CXCL16: variants seen among roughly 807,000 people sequenced by gnomAD.
CXCL16 encodes C-X-C motif chemokine 16.
In CXCL16, 18 loss-of-function variants were observed where a neutral mutation model predicts 23.8. That is an observed-to-expected ratio of 0.76 (90% CI 0.52 to 1.12). The LOEUF (loss-of-function observed/expected upper bound fraction) is 1.12, where lower values mean the gene tolerates loss of function less well. Among genes scored for constraint, CXCL16 ranks in the 50% most tolerant of loss-of-function variants. The pLI, the probability that CXCL16 is intolerant of heterozygous loss-of-function variation, is 0.00. For synonymous variants in CXCL16, 123 were observed against 132.5 expected, an observed-to-expected ratio of 0.93 and a Z score of 0.49; for missense variants, 297 against 315.4, an observed-to-expected ratio of 0.94 and a Z score of 0.44.
rs951948450 is a variant in CXCL16, at chr17:4,735,116, C to T, written c.694G>A (p.Gly232Arg). ...CCTGGAGAGGACTGCGGTGACTGCCCCCTCCTCCTCTTGCACAGCACATAG... is the reference window on the plus strand; with the variant it reads ...CCTGGAGAGGACTGCGGTGACTGCCTCCTCCTCCTCTTGCACAGCACATAG... ...LSYVLCKRRR[G>R]QSPQSSPDLP... Residue 232 changes from glycine to arginine, a missense_variant, in exon 4 of 6, where the codon GGG becomes AGG. By Grantham distance (125) the Gly-to-Arg change is moderately radical (BLOSUM62 -2). Coordinates refer to ENST00000293778, the MANE Select transcript of CXCL16 (RefSeq NM_001386809.1). 3 of 1,610,660 alleles carry T rather than the reference C, an allele frequency of 1.9e-6. No individual in the cohort carries two copies. The highest frequency in any genetic ancestry group is 1.3e-5 in the African/African-American group (1 of 74,860).
At chr17:4,736,430 AC>A (rs1462696999) in intron 3 of CXCL16, 3 of 152,346 alleles carry the variant, frequency 2.0e-5, no homozygotes, top group Admixed American at 1.3e-4. Flanking sequence ...AAGGTAGGGG[AC>A]AAGGAAGTGA....
intron 3 of CXCL16, among the ~76,000 whole-genome samples, chr17:4,737,994 G>A (rs1467101382): frequency 6.6e-6 from 1 of 151,464 alleles, no homozygotes; most frequent in African/African-American, 2.4e-5. Flanking sequence ...GCCAGGCTTG[G>A]TGGTGCGCGC....
rs1916067027 is a variant in CXCL16, at chr17:4,733,725, G to A, written c.*778C>T. ...GTGGGAAAGCCCAGGCCTTCGCTGC[G>A]GGTACAGGAGGATGCAGGAGAGGGC... On this transcript the variant is annotated 3_prime_UTR_variant, in exon 6 of 6. Transcript: ENST00000293778. 3.2e-5 allele frequency: 5 copies of A among 154,672 alleles called. No individual in the cohort carries two copies. Among genetic ancestry groups the A allele is most frequent in the Admixed American group, 2.6e-4 (4 of 15,560 alleles). The allele number at this position is 154,672 out of a possible 1,614,324, so 9.6% of individuals were successfully genotyped here. A position where few individuals can be genotyped will look rare whatever the true frequency, so the allele number is the denominator to read the frequency against.
In CXCL16 at chr17:4,739,777, C is replaced by G. The variant is rs1421549012; in HGVS notation, c.-438G>C. 2.9e-6 allele frequency: 3 copies of G among 1,040,174 alleles called. No homozygotes were observed. The highest frequency in any genetic ancestry group is 3.5e-6 in the Non-Finnish European group (3 of 863,168). 64.4% of individuals were successfully genotyped at this position (1,040,174 alleles called of 1,614,324 possible). On this transcript the variant is annotated 5_prime_UTR_variant, in exon 1 of 6. Transcript: ENST00000293778. This position sits in a 1 kb window ranked among gnomAD's most constrained non-coding sequence, Gnocchi z 5.3. ...CCTGTGAGGCGGCTGCACTGCCGGA[C>G]CGGCCCTCCTCCTCCGAGGCACTTT...
In CXCL16 at chr17:4,739,388, C is replaced by T. The variant is rs75334328; in HGVS notation, c.-49G>A. 4,228 of 1,611,992 alleles carry T rather than the reference C, an allele frequency of 2.6e-3. 69 individuals are homozygous for T. In the African/African-American group the frequency reaches 0.041, roughly 15 times the overall value. ...GGGATGGAGCCACCTCGCTCTGACT[C>T]CCAGACATGCTCCGGCGCGTGACGT... On this transcript the variant is annotated 5_prime_UTR_variant, in exon 1 of 6. Coordinates refer to ENST00000293778, the MANE Select transcript of CXCL16 (RefSeq NM_001386809.1). The surrounding 1 kb of genome is among the most constrained non-coding windows in gnomAD (Gnocchi z 5.3).
Position 4,738,609 on chromosome 17 carries a change from C to A in CXCL16, c.219-119G>T. ...AGCCCTTTCTCCTGGGACTGGGAAA[C>A]TCCCCAGTAGGTGAGACGGAGTCAT... On this transcript the variant is annotated intron_variant, in intron 2 of 5. Transcript: ENST00000293778. The surrounding 1 kb of genome is among the most constrained non-coding windows in gnomAD (Gnocchi z 4.0). 1.0e-6 allele frequency: 1 copy of A among 1,003,954 alleles called. No homozygotes were observed. The highest frequency in any genetic ancestry group is 1.5e-6 in the Non-Finnish European group (1 of 672,604). 62.2% of individuals were successfully genotyped at this position (1,003,954 alleles called of 1,614,324 possible).
intron 3 of CXCL16, among the ~76,000 whole-genome samples, 195 bp from the exon 4 acceptor site, chr17:4,735,703 C>G (rs903469926): frequency 1.0e-5 from 1 of 98,908 alleles, no homozygotes; most frequent in Non-Finnish European, 2.0e-5. Context: ...GACATAGGAA[C>G]CTTCAGAAAC....
At position 4,738,291 on chromosome 17, in the gene CXCL16, A is replaced by G. The variant is rs1163871266; in HGVS notation, c.301+117T>C. 3.9e-6 allele frequency: 3 copies of G among 763,324 alleles called. No individual in the cohort carries two copies. The highest frequency in any genetic ancestry group is 6.7e-6 in the Non-Finnish European group (3 of 448,100). The allele number at this position is 763,324 out of a possible 1,614,324, so 47.3% of individuals were successfully genotyped here. ...GAGTCTAAGTACTTTGGACAGGATCAGAAGAAGGTTCTAGGAATGTGCGGC... is the reference window on the plus strand; with the variant it reads ...GAGTCTAAGTACTTTGGACAGGATCGGAAGAAGGTTCTAGGAATGTGCGGC... On this transcript the variant is annotated intron_variant, in intron 3 of 5. Transcript: ENST00000293778. The surrounding 1 kb of genome is among the most constrained non-coding windows in gnomAD (Gnocchi z 4.0).
chr17:4,735,713 C>G lies in CXCL16; in HGVS notation c.302-205G>C, dbSNP rs535315387. Among the ~76,000 whole-genome samples, 28 of 11,776 alleles carry G rather than the reference C, an allele frequency of 2.4e-3. No homozygotes were observed. In the Admixed American group the frequency reaches 0.033, roughly 14 times the overall value. The allele number at this position is 11,776 out of a possible 152,430, so 7.7% of individuals were successfully genotyped here. ...TACATGACATAGGAACCTTCAGAAACAAAGACCCGAGAAAAGTGCATTTTT... is the reference window on the plus strand; with the variant it reads ...TACATGACATAGGAACCTTCAGAAAGAAAGACCCGAGAAAAGTGCATTTTT... On this transcript the variant is annotated intron_variant, in intron 3 of 5. Coordinates refer to ENST00000293778, the MANE Select transcript of CXCL16 (RefSeq NM_001386809.1).
chr17:4,738,422 C>T lies in CXCL16; in HGVS notation c.287G>A (p.Cys96Tyr), dbSNP rs772272880. Residue 96 changes from cysteine to tyrosine, a missense_variant, in exon 3 of 6, where the codon TGT (cysteine) becomes TAT (tyrosine). Coordinates refer to ENST00000293778, the MANE Select transcript of CXCL16 (RefSeq NM_001386809.1). The surrounding 1 kb of genome is among the most constrained non-coding windows in gnomAD (Gnocchi z 4.0). ...KDPWVQELMS[C>Y]LDLKECGHAY... is the part of the protein sequence containing the mutation. ...AAAAGTCTCACCTTTGAGATCAAGA[C>T]AGCTCATCAATTCCTGAACCCATGG... is the stretch of plus-strand genomic sequence containing the variant. 25 of 1,613,746 alleles carry T rather than the reference C, an allele frequency of 1.5e-5. No individual in the cohort carries two copies. The highest frequency in any genetic ancestry group is 2.1e-5 in the Non-Finnish European group (25 of 1,179,746).
intron 4 of CXCL16, 86 bp downstream of exon 4, chr17:4,735,006 T>G: frequency 7.4e-7 from 1 of 1,351,116 alleles, no homozygotes; most frequent in East Asian, 2.3e-5. Flanking sequence ...AAGGCCAGGT[T>G]TCCAGCCACC....
Position 4,738,616 on chromosome 17 carries a change from G to T in CXCL16, c.219-126C>A. On this transcript the variant is annotated intron_variant, in intron 2 of 5. Transcript: ENST00000293778. This position sits in a 1 kb window ranked among gnomAD's most constrained non-coding sequence, Gnocchi z 4.0. ...TCTCCTGGGACTGGGAAACTCCCCA[G>T]TAGGTGAGACGGAGTCATGAAGTTT... 1.0e-6 allele frequency: 1 copy of T among 992,736 alleles called. No homozygotes were observed. The highest frequency in any genetic ancestry group is 1.5e-6 in the Non-Finnish European group (1 of 664,776). 61.5% of individuals were successfully genotyped at this position (992,736 alleles called of 1,614,324 possible). A position where few individuals can be genotyped will look rare whatever the true frequency, so the allele number is the denominator to read the frequency against.
In CXCL16 at chr17:4,733,903, T is replaced by C. The variant is rs537802107; in HGVS notation, c.*600A>G. On this transcript the variant is annotated 3_prime_UTR_variant, in exon 6 of 6. Coordinates refer to ENST00000293778, the MANE Select transcript of CXCL16 (RefSeq NM_001386809.1). ...AGACTCAATCATTACAAAAATAATTTTTAGTAGTTAAAAAACACACATAGG... is the reference window on the plus strand; with the variant it reads ...AGACTCAATCATTACAAAAATAATTCTTAGTAGTTAAAAAACACACATAGG... The C allele has an allele frequency of 1.3e-5, 2 of 152,562 alleles. No homozygotes were observed. The highest frequency in any genetic ancestry group is 1.3e-4 in the Admixed American group (2 of 15,304). The allele number at this position is 152,562 out of a possible 1,614,324, so 9.5% of individuals were successfully genotyped here. A position where few individuals can be genotyped will look rare whatever the true frequency, so the allele number is the denominator to read the frequency against.
chr17:4,737,557 GACA>G (rs1916189193), intron 3 of CXCL16, among the ~76,000 whole-genome samples: 1 of 124,586 alleles, frequency 8.0e-6, no homozygotes, highest in Admixed American at 1.0e-4. Flanking sequence ...CAGCCTGGGC[GACA>G]GAGCAAGACT....
At chr17:4,736,073 A>G (rs1386018590) in intron 3 of CXCL16, among the ~76,000 whole-genome samples, 12 of 126,536 alleles carry the variant, frequency 9.5e-5, no homozygotes, top group African/African-American at 3.0e-4. Context: ...TCCATCTCAA[A>G]AAAAAAAAAG....
chr17:4,738,277 C>G lies in CXCL16; in HGVS notation c.301+131G>C, dbSNP rs1459409109. On this transcript the variant is annotated intron_variant, in intron 3 of 5. Transcript: ENST00000293778. This position sits in a 1 kb window ranked among gnomAD's most constrained non-coding sequence, Gnocchi z 4.0. Reference sequence around the variant, plus strand: ...GCAAACAGGGACTCGAGTCTAAGTACTTTGGACAGGATCAGAAGAAGGTTC... The same window carrying G: ...GCAAACAGGGACTCGAGTCTAAGTAGTTTGGACAGGATCAGAAGAAGGTTC... 1 of 708,396 alleles carries G rather than the reference C, an allele frequency of 1.4e-6. No homozygotes were observed. The highest frequency in any genetic ancestry group is 2.8e-5 in the East Asian group (1 of 36,150). The allele number at this position is 708,396 out of a possible 1,614,324, so 43.9% of individuals were successfully genotyped here. A position where few individuals can be genotyped will look rare whatever the true frequency, so the allele number is the denominator to read the frequency against.
Position 4,739,774 on chromosome 17 carries a change from G to C in CXCL16, c.-435C>G, listed in dbSNP as rs1158214030. The stretch of plus-strand genomic sequence containing the variant: ...CGACCTGTGAGGCGGCTGCACTGCC[G>C]GACCGGCCCTCCTCCTCCGAGGCAC... On this transcript the variant is annotated 5_prime_UTR_variant, in exon 1 of 6. Coordinates refer to ENST00000293778, the MANE Select transcript of CXCL16 (RefSeq NM_001386809.1). The surrounding 1 kb of genome is among the most constrained non-coding windows in gnomAD (Gnocchi z 5.3). 2 of 1,044,980 alleles carry C rather than the reference G, an allele frequency of 1.9e-6. No homozygotes were observed. The highest frequency in any genetic ancestry group is 2.3e-6 in the Non-Finnish European group (2 of 866,184). The allele number at this position is 1,044,980 out of a possible 1,614,324, so 64.7% of individuals were successfully genotyped here. A position where few individuals can be genotyped will look rare whatever the true frequency, so the allele number is the denominator to read the frequency against.
chr17:4,739,363 G>A lies in CXCL16; in HGVS notation c.-24C>T. Reference sequence around the variant, plus strand: ...ATCTCGGGGCTCCGCGGACTCTGCGGGGATGGAGCCACCTCGCTCTGACTC... The same window carrying A: ...ATCTCGGGGCTCCGCGGACTCTGCGAGGATGGAGCCACCTCGCTCTGACTC... On this transcript the variant is annotated 5_prime_UTR_variant, in exon 1 of 6. Transcript: ENST00000293778. The surrounding 1 kb of genome is among the most constrained non-coding windows in gnomAD (Gnocchi z 5.3). 1 of 1,613,110 alleles carries A rather than the reference G, an allele frequency of 6.2e-7. No homozygotes were observed. Among genetic ancestry groups the A allele is most frequent in the Admixed American group, 1.7e-5 (1 of 60,008 alleles).
Position 4,739,223 on chromosome 17 carries a change from C to G in CXCL16, c.79+38G>C. The G allele has an allele frequency of 7.7e-6, 12 of 1,563,672 alleles. No individual in the cohort carries two copies. The highest frequency in any genetic ancestry group is 1.0e-5 in the Non-Finnish European group (12 of 1,152,700). On this transcript the variant is annotated intron_variant, in intron 1 of 5. Coordinates refer to ENST00000293778, the MANE Select transcript of CXCL16 (RefSeq NM_001386809.1). The surrounding 1 kb of genome is among the most constrained non-coding windows in gnomAD (Gnocchi z 5.3). ...TCCCCAACTCACCCCCTTCCCGTGA[C>G]AGGGGAATCTGGGTCCCCTGCCCCG...
Sources: allele counts gnomAD v4.1 joint callset (sites outside exome capture counted in the v4.1 genomes callset), GRCh38; gene constraint gnomAD v4.1.1; non-coding constraint Gnocchi (gnomAD v3.1); transcripts MANE v1.5; gene names NCBI Gene and HGNC (gene_info 2026-07-23, HGNC 2026-07-21).